Variants in REL observed in about 807,000 individuals in gnomAD.
The protein encoded by REL is REL proto-oncogene, NF-kB subunit.
REL carries 15 observed loss-of-function variants against 45.9 expected under a neutral mutation model. The observed-to-expected ratio is 0.33, with a 90% CI of 0.22 to 0.50. The LOEUF (loss-of-function observed/expected upper bound fraction) is 0.50. REL is among the 20% of genes least tolerant of loss of function. REL has a pLI of 0.98. For missense variants in REL, 601 were observed against 715.2 expected, an observed-to-expected ratio of 0.84 and a Z score of 1.82; for synonymous variants, 239 against 242.1, an observed-to-expected ratio of 0.99 and a Z score of 0.12.
intron 1 of REL, among the ~76,000 whole-genome samples, chr2:60,890,756 G>C (rs949254132): frequency 6.6e-6 from 1 of 152,012 alleles, no homozygotes; most frequent in Non-Finnish European, 1.5e-5. Context: ...TACAACCCTG[G>C]AATCATCATC....
chr2:60,920,449 C>G, intron 8 of REL, 125 bp from the exon 9 acceptor site: 1 of 745,222 alleles, frequency 1.3e-6, no homozygotes. Flanking sequence ...GATCCACCCA[C>G]CTTGGCCTCC....
chr2:60,924,764 T>C lies in REL; in HGVS notation c.*2229T>C, dbSNP rs1445057436. ...AAGTGCAAGATTTTTAAAAGAGACT[T>C]GTCACATATTCATTTGGCTGGTTTC... On this transcript the variant is annotated 3_prime_UTR_variant, in exon 10 of 10. Coordinates refer to ENST00000394479, the MANE Select transcript of REL (RefSeq NM_001291746.2). 1 of 207,710 alleles carries C rather than the reference T, an allele frequency of 4.8e-6. No individual in the cohort carries two copies. Among genetic ancestry groups the C allele is most frequent in the East Asian group, 7.3e-5 (1 of 13,778 alleles). The allele number at this position is 207,710 out of a possible 1,614,324, so 12.9% of individuals were successfully genotyped here. A position where few individuals can be genotyped will look rare whatever the true frequency, so the allele number is the denominator to read the frequency against.
In REL at chr2:60,929,149, A is replaced by G. The variant is rs1324953904; in HGVS notation, c.*6614A>G. The G allele has an allele frequency of 5.3e-5, 8 of 151,424 alleles. No homozygotes were observed. The highest frequency in any genetic ancestry group is 1.3e-4 in the Admixed American group (2 of 15,206). 9.4% of individuals were successfully genotyped at this position (151,424 alleles called of 1,614,324 possible). On this transcript the variant is annotated 3_prime_UTR_variant, in exon 10 of 10. Coordinates refer to ENST00000394479, the MANE Select transcript of REL (RefSeq NM_001291746.2). ...CCATCTCACACCAGTTAGAATGGCAATCATTAAAAAGTCAGGAGACAACAG... is the reference window on the plus strand; with the variant it reads ...CCATCTCACACCAGTTAGAATGGCAGTCATTAAAAAGTCAGGAGACAACAG...
intron 4 of REL, among the ~76,000 whole-genome samples, chr2:60,906,748 C>G (rs1470820446): frequency 6.6e-6 from 1 of 151,826 alleles, no homozygotes; most frequent in African/African-American, 2.4e-5. Context: ...ATTTTTCTTA[C>G]TCACCCTCCA....
In REL at chr2:60,922,313, A is replaced by G; in HGVS notation, c.1542A>G (p.Ala514=). Residue 514 remains alanine (A), a synonymous_variant, in exon 10 of 10, where the codon GCA becomes GCG. Transcript: ENST00000394479. The stretch of plus-strand genomic sequence containing the variant: ...AGATGTCCTCTTCCAGTATGTCAGC[A>G]GGCGCCAATTCCAATACTACTGTTT... ...LHQMSSSSMS[A]GANSNTTVFV... 6.2e-7 allele frequency: 1 copy of G among 1,614,198 alleles called. No homozygotes were observed. The highest frequency in any genetic ancestry group is 8.5e-7 in the Non-Finnish European group (1 of 1,180,022).
chr2:60,927,862 CT>C lies in REL; in HGVS notation c.*5329del. On this transcript the variant is annotated 3_prime_UTR_variant, in exon 10 of 10. Coordinates refer to ENST00000394479, the MANE Select transcript of REL (RefSeq NM_001291746.2). ...CACCCCTGAAATTTCCTTCATGCCCCTTCCCAGTCTGTACCTACACCTCTAA... is the reference window on the plus strand; with the variant it reads ...CACCCCTGAAATTTCCTTCATGCCCCTCCCAGTCTGTACCTACACCTCTAA... The C allele has an allele frequency of 4.4e-6, 1 of 227,058 alleles. No homozygotes were observed. The highest frequency in any genetic ancestry group is 8.8e-6 in the Non-Finnish European group (1 of 114,138). 14.1% of individuals were successfully genotyped at this position (227,058 alleles called of 1,614,324 possible).
At chr2:60,911,622 T>G (rs1471790090) in intron 4 of REL, among the ~76,000 whole-genome samples, 1 of 152,042 alleles carries the variant, frequency 6.6e-6, no homozygotes, top group Non-Finnish European at 1.5e-5. Flanking sequence ...TAGGGAAAAT[T>G]ATAAAATTTT....
intron 4 of REL, among the ~76,000 whole-genome samples, chr2:60,916,275 G>A (rs1411664529): frequency 6.6e-6 from 1 of 152,074 alleles, no homozygotes; most frequent in Non-Finnish European, 1.5e-5. Context: ...TTAGCTGGGC[G>A]TGGTGGCATG....
Position 60,923,885 on chromosome 2 carries a change from C to T in REL, c.*1350C>T. Reference sequence around the variant, plus strand: ...CAAGTCAACTCATACCATTCATCTGCTCAAAACCATTCATTGGCTTCTCAT... The same window carrying T: ...CAAGTCAACTCATACCATTCATCTGTTCAAAACCATTCATTGGCTTCTCAT... On this transcript the variant is annotated 3_prime_UTR_variant, in exon 10 of 10. Coordinates refer to ENST00000394479, the MANE Select transcript of REL (RefSeq NM_001291746.2). The T allele has an allele frequency of 4.3e-6, 1 of 232,920 alleles. No individual in the cohort carries two copies. The highest frequency in any genetic ancestry group is 8.5e-6 in the Non-Finnish European group (1 of 117,828). The allele number at this position is 232,920 out of a possible 1,614,324, so 14.4% of individuals were successfully genotyped here. A position where few individuals can be genotyped will look rare whatever the true frequency, so the allele number is the denominator to read the frequency against.
chr2:60,908,724 G>A (rs1398021399), intron 4 of REL, among the ~76,000 whole-genome samples: 1 of 152,138 alleles, frequency 6.6e-6, no homozygotes, highest in East Asian at 1.9e-4. Context: ...TAAATTTTGT[G>A]CAATAAAATT....
At chr2:60,915,086 C>T (rs913852741) in intron 4 of REL, among the ~76,000 whole-genome samples, 2 of 152,126 alleles carry the variant, frequency 1.3e-5, no homozygotes, top group East Asian at 3.9e-4. Context: ...CCACCTCGGC[C>T]TCCCAAAGTG....
chr2:60,882,919 A>C (rs1010449411), intron 1 of REL, among the ~76,000 whole-genome samples: 1 of 152,174 alleles, frequency 6.6e-6, no homozygotes, highest in African/African-American at 2.4e-5. Context: ...TTTGTAAGAA[A>C]CATTGCAGAG....
At position 60,928,266 on chromosome 2, in the gene REL, T is replaced by A. The variant is rs1674314293; in HGVS notation, c.*5731T>A. On this transcript the variant is annotated 3_prime_UTR_variant, in exon 10 of 10. Coordinates refer to ENST00000394479, the MANE Select transcript of REL (RefSeq NM_001291746.2). ...ATACTGCCCAAGGTAATTTACAGAT[T>A]CAGTGCCATCCCCATCAAGCTACCA... 6.4e-6 allele frequency: 1 copy of A among 155,916 alleles called. No individual in the cohort carries two copies. The highest frequency in any genetic ancestry group is 2.4e-5 in the African/African-American group (1 of 41,530). 9.7% of individuals were successfully genotyped at this position (155,916 alleles called of 1,614,324 possible).
At chr2:60,900,907 T>A (rs1673476433) in intron 3 of REL, 85 bp from the exon 4 acceptor site, 2 of 1,118,206 alleles carry the variant, frequency 1.8e-6, no homozygotes, top group Admixed American at 4.9e-5. Flanking sequence ...GACAGCATGA[T>A]AACTTCAGTA....
In REL at chr2:60,920,574, T is replaced by G. The variant is rs780732016; in HGVS notation, c.923T>G (p.Val308Gly). The G allele has an allele frequency of 6.3e-7, 1 of 1,588,600 alleles. No homozygotes were observed. Among genetic ancestry groups the G allele is most frequent in the Non-Finnish European group, 8.6e-7 (1 of 1,159,456 alleles). The change falls in exon 9 of 10, where the codon GTT becomes GGT. Residue 308 changes from valine to glycine, a missense_variant and splice_region_variant. Physicochemically the swap from Val to Gly is moderately radical, Grantham distance 109 (BLOSUM62 -3). Coordinates refer to ENST00000394479, the MANE Select transcript of REL (RefSeq NM_001291746.2). Reference sequence around the variant, plus strand: ...TAATGGAAAAACTTTATCCTAACAGTTAATTTTCCTGAGAGACCAAGACCT... The same window carrying G: ...TAATGGAAAAACTTTATCCTAACAGGTAATTTTCCTGAGAGACCAAGACCT... ...LLFQKLCQDH[V>G]NFPERPRPGL...
chr2:60,893,694 G>C (rs1403219829), intron 2 of REL, among the ~76,000 whole-genome samples: 2 of 152,094 alleles, frequency 1.3e-5, no homozygotes, highest in East Asian at 3.8e-4. Context: ...CCTCTACCTT[G>C]TAAGCTACCC....
chr2:60,885,718 T>A (rs970357944), intron 1 of REL, among the ~76,000 whole-genome samples: 1 of 152,190 alleles, frequency 6.6e-6, no homozygotes, highest in Non-Finnish European at 1.5e-5. Flanking sequence ...AAAATATATA[T>A]TGTTAGCTCC....
intron 2 of REL, among the ~76,000 whole-genome samples, chr2:60,892,722 G>A (rs1423902391): frequency 1.3e-5 from 2 of 151,532 alleles, no homozygotes; most frequent in African/African-American, 2.4e-5. Flanking sequence ...GAGCCACTGC[G>A]TCCAGCCAAG....
intron 3 of REL, among the ~76,000 whole-genome samples, chr2:60,895,663 G>C (rs188197101): frequency 1.3e-5 from 2 of 152,326 alleles, no homozygotes; most frequent in Admixed American, 1.3e-4. Context: ...CATCATGTTA[G>C]AATGTAAATT....
Sources: allele counts gnomAD v4.1 joint callset (sites outside exome capture counted in the v4.1 genomes callset), GRCh38; gene constraint gnomAD v4.1.1; transcripts MANE v1.5; gene names NCBI Gene and HGNC (gene_info 2026-07-23, HGNC 2026-07-21).